The following NLRP1 variants were observed in gnomAD, a reference collection of about 807,000 sequenced individuals.
NLRP1 encodes the protein NACHT, LRR and PYD domains-containing protein 1.
NLRP1 carries 94 observed loss-of-function variants against 136.7 expected under a neutral mutation model. That is an observed-to-expected ratio of 0.69 (90% CI 0.58 to 0.82). The LOEUF is 0.82. Ranked by LOEUF, NLRP1 falls within the 40% of genes least tolerant of loss-of-function variation. NLRP1 has a pLI of 0.00. For missense variants in NLRP1, 1,575 were observed against 1,802.7 expected (o/e 0.87, Z 2.29); for synonymous variants, 690 against 725.1 (o/e 0.95, Z 0.78).
In NLRP1 at chr17:5,558,795, G is replaced by T. The variant is rs200548358; in HGVS notation, c.1901C>A (p.Ser634Tyr). ...LCFQEFFAAM[S>Y]YVLEDEKGRG... ...CCCCTTCTCATCCTCCAAGACATAG[G>T]ACATTGCTGCAAAGAACTCTTGGAA... The change falls in exon 4 of 17, where the codon TCC (serine) becomes TAC (tyrosine). Residue 634 changes from serine to tyrosine, a missense_variant. By Grantham distance (144) the Ser-to-Tyr change is moderately radical (BLOSUM62 -2). Coordinates refer to ENST00000572272, the MANE Select transcript of NLRP1 (RefSeq NM_033004.4). 22 of 1,614,032 alleles carry T rather than the reference G, an allele frequency of 1.4e-5. No homozygotes were observed. The highest frequency in any genetic ancestry group is 1.9e-5 in the Non-Finnish European group (22 of 1,180,026).
At chr17:5,563,328 C>A (rs749105707) in intron 3 of NLRP1, among the ~76,000 whole-genome samples, 1 of 152,082 alleles carries the variant, frequency 6.6e-6, no homozygotes, top group Non-Finnish European at 1.5e-5. Context: ...GAATGAAGAT[C>A]ATTGAGATTC....
chr17:5,535,736 G>A (rs1910964867), intron 8 of NLRP1, among the ~76,000 whole-genome samples: 1 of 152,246 alleles, frequency 6.6e-6, no homozygotes, highest in African/African-American at 2.4e-5. Flanking sequence ...CTTAAGCCTA[G>A]GAGCTGTTTT....
At chr17:5,502,216 G>T in intron 15 of NLRP1, 1 of 250,356 alleles carries the variant, frequency 4.0e-6, no homozygotes, top group Non-Finnish European at 8.1e-6. Context: ...TCAGCTAAAA[G>T]GGCTTCCAGT....
chr17:5,577,617 A>C (rs1383681999), intron 3 of NLRP1, among the ~76,000 whole-genome samples: 4 of 152,242 alleles, frequency 2.6e-5, no homozygotes, highest in Admixed American at 6.5e-5. Context: ...AGAGGACACA[A>C]ACAAATGGAA....
intron 5 of NLRP1, among the ~76,000 whole-genome samples, chr17:5,552,903 G>A (rs952049776): frequency 2.6e-5 from 4 of 152,188 alleles, no homozygotes; most frequent in African/African-American, 4.8e-5. Context: ...TTTTGAAAAT[G>A]TACTGATCTT....
Position 5,521,801 on chromosome 17 carries a change from A to G in NLRP1, c.3521-15T>C. On this transcript the variant is annotated splice_polypyrimidine_tract_variant and intron_variant, in intron 12 of 16. Transcript: ENST00000572272. ...CACATGGCCCCCTGTAAAAGAATGG[A>G]TTGAAGAGGCACAGGTTTATTTTTA... The G allele has an allele frequency of 6.4e-7, 1 of 1,573,828 alleles. No individual in the cohort carries two copies.
At chr17:5,503,013 G>T (rs1567622994) in intron 15 of NLRP1, 1 of 152,556 alleles carries the variant, frequency 6.6e-6, no homozygotes, top group African/African-American at 2.4e-5. Flanking sequence ...GACTGGAAGG[G>T]TGTGAAGGGT....
intron 5 of NLRP1, among the ~76,000 whole-genome samples, chr17:5,552,659 C>T (rs553275180): frequency 6.6e-6 from 1 of 152,150 alleles, no homozygotes; most frequent in Non-Finnish European, 1.5e-5. Flanking sequence ...CATTACTGAG[C>T]CCAGTTGATT....
At chr17:5,536,283 A>G (rs575924395) in intron 8 of NLRP1, among the ~76,000 whole-genome samples, 7,081 of 150,232 alleles carry the variant, frequency 0.047, 187 homozygotes, top group Middle Eastern at 0.089. Context: ...CAAGTAGCTG[A>G]GACTACAGGC....
In NLRP1 at chr17:5,559,297, T is replaced by C. The variant is rs1436858589; in HGVS notation, c.1399A>G (p.Ile467Val). The C allele has an allele frequency of 6.2e-7, 1 of 1,614,178 alleles. No individual in the cohort carries two copies. Among genetic ancestry groups the C allele is most frequent in the African/African-American group, 1.3e-5 (1 of 75,040 alleles). The change falls in exon 4 of 17, where the codon ATT (isoleucine) becomes GTT (valine). Residue 467 changes from isoleucine to valine, a missense_variant. By Grantham distance (29) the Ile-to-Val change is conservative (BLOSUM62 3). Coordinates refer to ENST00000572272, the MANE Select transcript of NLRP1 (RefSeq NM_033004.4). ...CAACGTGCCTGCTCCAAAGAAGGAA[T>C]GAGGTTCTGCAGAGCTGTGGTCCGA... ...TARTTALQNL[I>V]PSLEQARWVE...
At chr17:5,506,051 G>C (rs1010380450) in intron 15 of NLRP1, 29 of 152,222 alleles carry the variant, frequency 1.9e-4, no homozygotes, top group African/African-American at 7.0e-4. Flanking sequence ...TTGGGAGGCG[G>C]ATGAGGGTGG....
At chr17:5,511,684 G>C (rs1907638918), downstream of NLRP1, among the ~76,000 whole-genome samples, 1 of 152,166 alleles carries the variant, frequency 6.6e-6, no homozygotes, top group Admixed American at 6.5e-5. Context: ...GGGGGTTGCG[G>C]GGCTTAGAGG....
chr17:5,570,342 T>C (rs561753911), intron 3 of NLRP1, among the ~76,000 whole-genome samples: 7 of 148,628 alleles, frequency 4.7e-5, no homozygotes, highest in African/African-American at 1.7e-4. Context: ...GAAGAATAAA[T>C]AAGATCGATA....
In NLRP1 at chr17:5,543,026, C is replaced by T. The variant is rs192330612; in HGVS notation, c.2529-999G>A. 5.8e-3 allele frequency among the ~76,000 whole-genome samples: 890 copies of T among 152,274 alleles called. 5 individuals are homozygous for T. Among genetic ancestry groups the T allele is most frequent in the African/African-American group, 0.019 (799 of 41,554 alleles). ...TGTATTTTTAGTAAAGACGGGGTTTCGCCATGTTGGCCAGGCTGGTCTTCA... is the reference window on the plus strand; with the variant it reads ...TGTATTTTTAGTAAAGACGGGGTTTTGCCATGTTGGCCAGGCTGGTCTTCA... On this transcript the variant is annotated intron_variant, in intron 5 of 16. Coordinates refer to ENST00000572272, the MANE Select transcript of NLRP1 (RefSeq NM_033004.4).
intron 3 of NLRP1, among the ~76,000 whole-genome samples, chr17:5,564,734 G>GT (rs59428190): frequency 0.42 from 41,277 of 97,562 alleles, 9,588 homozygotes; most frequent in Non-Finnish European, 0.49. Context: ...AATTTTTAGT[G>GT]TTTTTTTTTT....
Position 5,558,783 on chromosome 17 carries a change from T to C in NLRP1, c.1913A>G (p.Glu638Gly). Residue 638 changes from glutamate (E) to glycine (G), a missense_variant, in exon 4 of 17, where the codon GAG (glutamate) becomes GGG (glycine). Coordinates refer to ENST00000572272, the MANE Select transcript of NLRP1 (RefSeq NM_033004.4). ...ATGTTTACCTCTCCCCTTCTCATCC[T>C]CCAAGACATAGGACATTGCTGCAAA... ...EFFAAMSYVL[E>G]DEKGRGKHSN... The C allele has an allele frequency of 6.2e-7, 1 of 1,614,144 alleles. No homozygotes were observed. The highest frequency in any genetic ancestry group is 2.2e-5 in the East Asian group (1 of 44,888).
Position 5,559,798 on chromosome 17 carries a change from A to T in NLRP1, c.898T>A (p.Trp300Arg). The change falls in exon 4 of 17, where the codon TGG (tryptophan) becomes AGG (arginine). Residue 300 changes from tryptophan (W) to arginine (R), a missense_variant. By Grantham distance (101) the Trp-to-Arg change is moderately radical. Coordinates refer to ENST00000572272, the MANE Select transcript of NLRP1 (RefSeq NM_033004.4). ...CGATTCTCCTCCACATAATCAGGCC[A>T]GCTTCTCTTGACCAGGGGATCTTGG... ...RSQDPLVKRSWPDYVEENRGH... is the reference protein window; with the variant it reads ...RSQDPLVKRSRPDYVEENRGH... 1 of 1,614,272 alleles carries T rather than the reference A, an allele frequency of 6.2e-7. No individual in the cohort carries two copies. The highest frequency in any genetic ancestry group is 8.5e-7 in the Non-Finnish European group (1 of 1,180,056).
intron 4 of NLRP1, among the ~76,000 whole-genome samples, chr17:5,556,111 T>TACA (rs1263822879): frequency 1.2e-3 from 157 of 131,404 alleles, no homozygotes; most frequent in East Asian, 4.4e-3. Flanking sequence ...TCTGTCTCTC[T>TACA]CTCTACACAC....
chr17:5,508,701 T>C (rs752109613), intron 15 of NLRP1, among the ~76,000 whole-genome samples: 26 of 152,232 alleles, frequency 1.7e-4, no homozygotes, highest in Non-Finnish European at 2.8e-4. Context: ...TCCTGAAAAC[T>C]CTTAAGTAGC....
Sources: gnomAD v4.1 joint callset for allele counts (sites outside exome capture counted in the v4.1 genomes callset) on GRCh38, gnomAD v4.1.1 for gene constraint, MANE v1.5 for transcripts, NCBI Gene and HGNC (gene_info 2026-07-23, HGNC 2026-07-21) for gene names.